Variants in SHANK2 observed in about 807,000 individuals in gnomAD.
The protein encoded by SHANK2 is SH3 and multiple ankyrin repeat domains protein 2.
A neutral mutation model predicts 133.7 loss-of-function variants in SHANK2; 43 were observed. That is an observed-to-expected ratio of 0.32 (90% CI 0.25 to 0.41). SHANK2 has a LOEUF of 0.41. SHANK2 is among the 10% of genes least tolerant of loss of function. The probability of loss-of-function intolerance (pLI) is 1.00; values close to 1 mark genes in which losing one functional copy is unlikely to be tolerated. For synonymous variants in SHANK2, 1,017 were observed against 952.8 expected (o/e 1.07, Z -1.24); for missense variants, 1,994 against 2,235.8 (o/e 0.89, Z 2.18).
At chr11:71,204,481 G>A (rs1954087638) in intron 2 of SHANK2, among the ~76,000 whole-genome samples, 1 of 152,124 alleles carries the variant, frequency 6.6e-6, no homozygotes, top group South Asian at 2.1e-4. Context: ...AGGCTCCGAC[G>A]GGAAGAGGCA....
intron 10 of SHANK2, among the ~76,000 whole-genome samples, chr11:70,935,268 C>T (rs1950556892): frequency 6.6e-6 from 1 of 152,112 alleles, no homozygotes; most frequent in Non-Finnish European, 1.5e-5. Flanking sequence ...TCTCTCAGTT[C>T]TCAGATGAAA....
Position 71,092,404 on chromosome 11 carries a change from A to G in SHANK2, c.912+18T>C, listed in dbSNP as rs1555094226. ...TCAGTTCGTGGGTACAACAGAGTGG[A>G]GAAGCGGGCCCACGTACCTGGTGGA... On this transcript the variant is annotated intron_variant, in intron 8 of 25. Transcript: ENST00000601538. The G allele has an allele frequency of 1.3e-6, 2 of 1,550,910 alleles. No individual in the cohort carries two copies. Among genetic ancestry groups the G allele is most frequent in the East Asian group, 2.4e-5 (1 of 40,896 alleles).
intron 17 of SHANK2, among the ~76,000 whole-genome samples, chr11:70,545,200 C>T (rs2059674988): frequency 6.6e-6 from 1 of 152,224 alleles, no homozygotes; most frequent in Admixed American, 6.5e-5. Context: ...AGTCCCTGGG[C>T]TCGCGCTGTC....
intron 11 of SHANK2, among the ~76,000 whole-genome samples, chr11:70,839,344 G>A (rs914272421): frequency 6.6e-6 from 1 of 152,194 alleles, no homozygotes; most frequent in Non-Finnish European, 1.5e-5. Flanking sequence ...GGCGGGTCTG[G>A]GCCAGTGGCC....
chr11:71,208,194 G>A (rs913690459), intron 2 of SHANK2, among the ~76,000 whole-genome samples: 25 of 152,050 alleles, frequency 1.6e-4, no homozygotes, highest in African/African-American at 6.0e-4. Flanking sequence ...CAGTGTGGCA[G>A]GAGGGTGCCC....
At chr11:71,113,450 A>T in intron 4 of SHANK2, 86 bp from the exon 5 acceptor site, 1 of 1,249,158 alleles carries the variant, frequency 8.0e-7, no homozygotes, top group East Asian at 2.5e-5. Context: ...TTCCTTGGCT[A>T]TGTCACAGAA....
chr11:70,713,681 C>T (rs567783845), intron 14 of SHANK2, among the ~76,000 whole-genome samples: 15 of 152,198 alleles, frequency 9.9e-5, no homozygotes, highest in African/African-American at 1.4e-4. Context: ...GCCGGGTGTC[C>T]GTCACAGCAC....
chr11:71,172,756 G>C (rs782114399), intron 2 of SHANK2, among the ~76,000 whole-genome samples: 2 of 152,190 alleles, frequency 1.3e-5, no homozygotes, highest in Non-Finnish European at 2.9e-5. Context: ...TGAGAGAACA[G>C]TCAGACTGCC....
intron 14 of SHANK2, among the ~76,000 whole-genome samples, chr11:70,727,589 C>T (rs1313460553): frequency 2.6e-5 from 4 of 152,222 alleles, no homozygotes; most frequent in African/African-American, 9.6e-5. Flanking sequence ...TAAGCTAAGA[C>T]TGTTCCTCTT....
At position 70,698,757 on chromosome 11, in the gene SHANK2, C is replaced by T. The variant is rs1403849836; in HGVS notation, c.1784G>A (p.Arg595His). 36 of 718,612 alleles carry T rather than the reference C, an allele frequency of 5.0e-5. No individual in the cohort carries two copies. The highest frequency in any genetic ancestry group is 2.3e-4 in the Middle Eastern group (1 of 4,370). The allele number at this position is 718,612 out of a possible 1,614,324, so 44.5% of individuals were successfully genotyped here. A position where few individuals can be genotyped will look rare whatever the true frequency, so the allele number is the denominator to read the frequency against. The change falls in exon 15 of 26, where the codon CGC (arginine) becomes CAC (histidine). Residue 595 changes from arginine to histidine, a missense_variant. Physicochemically the swap from Arg to His is conservative, Grantham distance 29. Around this residue, in one of 5 missense-constraint regions of SHANK2, gnomAD observed 653 missense variants for 563.4 expected, o/e 1.16. Coordinates refer to ENST00000601538, the MANE Select transcript of SHANK2 (RefSeq NM_012309.5). ...CKPRDSQAET[R>H]ADRSKKLFRH... ...GAAAAGCTTCTTGCTGCGGTCAGCGCGGGTTTCTGTACAGAGAGGGAAGAG... is the reference window on the plus strand; with the variant it reads ...GAAAAGCTTCTTGCTGCGGTCAGCGTGGGTTTCTGTACAGAGAGGGAAGAG...
chr11:70,665,641 CT>C (rs1220199475), intron 15 of SHANK2, among the ~76,000 whole-genome samples: 5 of 152,236 alleles, frequency 3.3e-5, no homozygotes, highest in African/African-American at 1.2e-4. Context: ...ACCCATCTCA[CT>C]TTCACTGGCA....
chr11:70,942,481 A>T, intron 10 of SHANK2: 1 of 452,678 alleles, frequency 2.2e-6, no homozygotes, highest in Admixed American at 2.4e-5. Context: ...TTCATGAGGG[A>T]TCTGCCCCAG....
intron 17 of SHANK2, among the ~76,000 whole-genome samples, chr11:70,658,427 G>T (rs2061439542): frequency 6.6e-6 from 1 of 152,122 alleles, no homozygotes; most frequent in African/African-American, 2.4e-5. Context: ...GCCACAGCGG[G>T]CTCCAATCTC....
intron 17 of SHANK2, among the ~76,000 whole-genome samples, chr11:70,644,717 C>A (rs1233547996): frequency 6.6e-6 from 1 of 152,236 alleles, no homozygotes; most frequent in African/African-American, 2.4e-5. Context: ...CATCTCCAGA[C>A]CTGCTTGCTA....
intron 25 of SHANK2, among the ~76,000 whole-genome samples, chr11:70,477,025 G>T (rs2058672652): frequency 6.6e-6 from 1 of 152,232 alleles, no homozygotes. Context: ...TGTAAGGAAA[G>T]GCTCTGCAGG....
intron 11 of SHANK2, among the ~76,000 whole-genome samples, chr11:70,878,220 C>T (rs74928102): frequency 0.021 from 3,257 of 152,286 alleles, 106 homozygotes; most frequent in African/African-American, 0.075. Context: ...TCCTGCTGAG[C>T]TGGGATGCAG....
In SHANK2 at chr11:70,718,251, G is replaced by A. The variant is rs557051906; in HGVS notation, c.1778-19488C>T. Among the ~76,000 whole-genome samples the A allele has an allele frequency of 2.6e-5, 4 of 152,354 alleles. No homozygotes were observed. In the South Asian group the frequency reaches 6.2e-4, roughly 24 times the overall value. ...CAGTAATTGCTTTCTCATTTTGCAA[G>A]GCTTGGTGTTTCCTCGGTCTTGGCC... On this transcript the variant is annotated intron_variant, in intron 14 of 25. Transcript: ENST00000601538.
chr11:70,947,353 A>ATTTTT (rs71049955), intron 10 of SHANK2, among the ~76,000 whole-genome samples: 5 of 133,100 alleles, frequency 3.8e-5, no homozygotes, highest in East Asian at 2.2e-4. Flanking sequence ...TGACATCTAC[A>ATTTTT]TTTTTTTTTT....
chr11:71,251,792 G>C (rs1372624679), intron 1 of SHANK2, among the ~76,000 whole-genome samples: 3 of 151,082 alleles, frequency 2.0e-5, no homozygotes, highest in Non-Finnish European at 3.0e-5. Flanking sequence ...CGCACCAGGC[G>C]CGCCGGCCCC....
Sources: gnomAD v4.1 joint callset for allele counts (sites outside exome capture counted in the v4.1 genomes callset) on GRCh38, gnomAD v4.1.1 for gene constraint, gnomAD v4.1.1 regional missense constraint, MANE v1.5 for transcripts, NCBI Gene and HGNC (gene_info 2026-07-23, HGNC 2026-07-21) for gene names.